The following IPMK variants were observed in gnomAD, a reference collection of about 807,000 sequenced individuals.
IPMK encodes the protein inositol polyphosphate multikinase.
A neutral mutation model predicts 45.8 loss-of-function variants in IPMK; 17 were observed. That is an observed-to-expected ratio of 0.37 (90% CI 0.25 to 0.56). The LOEUF (loss-of-function observed/expected upper bound fraction) is 0.56, where lower values mean the gene tolerates loss of function less well. IPMK is among the 20% of genes least tolerant of loss of function. The pLI is 0.79. For missense variants in IPMK, 399 were observed against 498.0 expected (o/e 0.80, Z 1.89); for synonymous variants, 180 against 184.3 (o/e 0.98, Z 0.19).
chr10:58,203,347 C>G (rs111843625), intron 4 of IPMK, among the ~76,000 whole-genome samples: 2,696 of 152,282 alleles, frequency 0.018, 87 homozygotes, highest in African/African-American at 0.059. Context: ...GATAGGGTCT[C>G]GCTCTGTCAC....
At chr10:58,264,805 G>T (rs994996744) in intron 1 of IPMK, among the ~76,000 whole-genome samples, 4 of 152,010 alleles carry the variant, frequency 2.6e-5, no homozygotes, top group African/African-American at 9.7e-5. Context: ...AAAAATATAG[G>T]TATAATACAT....
intron 3 of IPMK, among the ~76,000 whole-genome samples, chr10:58,220,171 T>G (rs1246919966): frequency 1.3e-5 from 2 of 152,070 alleles, no homozygotes; most frequent in South Asian, 4.1e-4. Context: ...TACTGTAACA[T>G]GTAAGTCCCT....
At chr10:58,231,583 C>T (rs911211971) in intron 2 of IPMK, among the ~76,000 whole-genome samples, 4 of 152,088 alleles carry the variant, frequency 2.6e-5, no homozygotes, top group African/African-American at 9.7e-5. Flanking sequence ...AACTAAGCTT[C>T]GTAAGTGAAG....
intron 4 of IPMK, among the ~76,000 whole-genome samples, chr10:58,201,259 A>G (rs1484540937): frequency 6.6e-6 from 1 of 152,230 alleles, no homozygotes; most frequent in Non-Finnish European, 1.5e-5. Context: ...CTTTACAAAT[A>G]TACTGCATTA....
chr10:58,230,574 G>A (rs1838499884), intron 2 of IPMK, among the ~76,000 whole-genome samples: 1 of 152,204 alleles, frequency 6.6e-6, no homozygotes, highest in South Asian at 2.1e-4. Flanking sequence ...CAGACCTGGA[G>A]CTGAGGGACC....
In IPMK at chr10:58,199,222, TA is replaced by T; in HGVS notation, c.628+17del. 6.7e-7 allele frequency: 1 copy of T among 1,491,778 alleles called. No individual in the cohort carries two copies. 92.4% of individuals were successfully genotyped at this position (1,491,778 alleles called of 1,614,324 possible). On this transcript the variant is annotated intron_variant, in intron 5 of 5. Coordinates refer to ENST00000373935, the MANE Select transcript of IPMK (RefSeq NM_152230.5). ...TTTAACTGTTCAATCATAAAAGCAT[TA>T]GTTTTTTAGTCCTTACCATCCTTTA... is the stretch of plus-strand genomic sequence containing the variant.
At chr10:58,246,510 A>G (rs1178534063) in intron 1 of IPMK, among the ~76,000 whole-genome samples, 1 of 142,480 alleles carries the variant, frequency 7.0e-6, no homozygotes, top group East Asian at 2.1e-4. Context: ...CATATCTACA[A>G]CTATCCGATC....
intron 1 of IPMK, 43 bp from the exon 2 acceptor site, chr10:58,237,857 G>T: frequency 7.2e-7 from 1 of 1,385,086 alleles, no homozygotes; most frequent in Non-Finnish European, 1.0e-6. Context: ...TTTAATAATA[G>T]TAAACCTTGC....
Position 58,197,543 on chromosome 10 carries a change from G to C in IPMK, c.629-845C>G, listed in dbSNP as rs189118272. On this transcript the variant is annotated intron_variant, in intron 5 of 5. Coordinates refer to ENST00000373935, the MANE Select transcript of IPMK (RefSeq NM_152230.5). ...CGGACGCCTGTAGTCCTAGATACTC[G>C]GGAGGCTGAGGCAGGAGAACGGCGT... Among the ~76,000 whole-genome samples the C allele has an allele frequency of 2.9e-3, 442 of 151,162 alleles. 1 individual carries two copies. The highest frequency in any genetic ancestry group is 0.01 in the African/African-American group (417 of 41,256).
chr10:58,217,452 G>T (rs1838261414), intron 3 of IPMK, among the ~76,000 whole-genome samples: 1 of 151,422 alleles, frequency 6.6e-6, no homozygotes, highest in Non-Finnish European at 1.5e-5. Context: ...ACTTTGGGAG[G>T]CCGAGGCAGG....
intron 1 of IPMK, among the ~76,000 whole-genome samples, chr10:58,253,266 A>G (rs1417789224): frequency 1.3e-5 from 2 of 152,184 alleles, no homozygotes; most frequent in Admixed American, 6.5e-5. Flanking sequence ...TGGAACTGTG[A>G]GTCAATTAAA....
chr10:58,249,388 G>A (rs1440844414), intron 1 of IPMK, among the ~76,000 whole-genome samples: 1 of 151,986 alleles, frequency 6.6e-6, no homozygotes, highest in Non-Finnish European at 1.5e-5. Context: ...TCAGTTTGAC[G>A]TTTTAATAAT....
intron 1 of IPMK, among the ~76,000 whole-genome samples, chr10:58,260,318 C>T (rs1027179151): frequency 6.6e-6 from 1 of 152,092 alleles, no homozygotes; most frequent in Non-Finnish European, 1.5e-5. Context: ...AGAATCGTAA[C>T]AACGAAATGC....
chr10:58,197,322 A>AATAAATAAATACATACATAC lies in IPMK; in HGVS notation c.629-625_629-624insGTATGTATGTATTTATTTAT, dbSNP rs1212863029. 4.5e-5 allele frequency among the ~76,000 whole-genome samples: 5 copies of AATAAATAAATACATACATAC among 110,090 alleles called. No individual in the cohort carries two copies. The East Asian group carries it at 6.5e-4, about 14-fold the overall frequency. The allele number at this position is 110,090 out of a possible 152,430, so 72.2% of individuals were successfully genotyped here. On this transcript the variant is annotated intron_variant, in intron 5 of 5. Coordinates refer to ENST00000373935, the MANE Select transcript of IPMK (RefSeq NM_152230.5). ...TCAAAAATAAATAAATAAATAAATA[A>AATAAATAAATACATACATAC]ATAAATACATAAATACATAAACACA...
chr10:58,230,612 A>G (rs1463766782), intron 2 of IPMK, among the ~76,000 whole-genome samples: 1 of 152,376 alleles, frequency 6.6e-6, no homozygotes, highest in East Asian at 1.9e-4. Flanking sequence ...ACTAACAAAC[A>G]GAAAGGAATA....
chr10:58,196,616 C>T lies in IPMK; in HGVS notation c.711G>A (p.Leu237=), dbSNP rs756374477. Residue 237 remains leucine, a synonymous_variant, in exon 6 of 6, where the codon CTG becomes CTA. Coordinates refer to ENST00000373935, the MANE Select transcript of IPMK (RefSeq NM_152230.5). The part of the protein sequence containing the change: ...AASIQKIEKI[L]QWFENQKQLN... ...GCTGCTTCTGGTTTTCAAACCACTG[C>T]AGAATTTTCTCAATCTTCTGAATAC... 3 of 1,613,822 alleles carry T rather than the reference C, an allele frequency of 1.9e-6. No individual in the cohort carries two copies. In the East Asian group the frequency reaches 6.7e-5, roughly 36 times the overall value.
intron 1 of IPMK, among the ~76,000 whole-genome samples, chr10:58,239,973 G>A (rs1588966048): frequency 1.3e-5 from 2 of 151,942 alleles, no homozygotes; most frequent in African/African-American, 4.8e-5. Flanking sequence ...CACTTCCCAC[G>A]GTTCTTTAAA....
intron 3 of IPMK, among the ~76,000 whole-genome samples, chr10:58,222,062 T>G (rs1838345704): frequency 6.6e-6 from 1 of 152,122 alleles, no homozygotes; most frequent in African/African-American, 2.4e-5. Flanking sequence ...TTTTTAAAAT[T>G]TATTGTAGAT....
rs1322824056 is a variant in IPMK, at chr10:58,199,332, A to C, written c.547-11T>G. 1.9e-6 allele frequency: 3 copies of C among 1,584,070 alleles called. No individual in the cohort carries two copies. The highest frequency in any genetic ancestry group is 2.6e-6 in the Non-Finnish European group (3 of 1,161,932). The stretch of plus-strand genomic sequence containing the variant: ...ATGAACATGATAAACCTGTCAAAAA[A>C]AGCAGTGAATATTAAAAAGCTAATA... On this transcript the variant is annotated splice_polypyrimidine_tract_variant and intron_variant, in intron 4 of 5. Transcript: ENST00000373935.
Sources: gnomAD v4.1 joint callset for allele counts (sites outside exome capture counted in the v4.1 genomes callset) on GRCh38, gnomAD v4.1.1 for gene constraint, MANE v1.5 for transcripts, NCBI Gene and HGNC (gene_info 2026-07-23, HGNC 2026-07-21) for gene names.